Variants in USH2A observed in about 807,000 individuals in gnomAD.
USH2A encodes usherin.
A neutral mutation model predicts 538.9 loss-of-function variants in USH2A; 443 were observed. The observed-to-expected ratio is 0.82, with a 90% CI of 0.76 to 0.89. The LOEUF is 0.89. Among genes scored for constraint, USH2A ranks in the 40% least tolerant of loss-of-function variants. The probability of loss-of-function intolerance (pLI) is 0.00; values close to 1 mark genes in which losing one functional copy is unlikely to be tolerated. For synonymous variants in USH2A, 2,413 were observed against 2,273.5 expected (o/e 1.06, Z -1.75); for missense variants, 6,633 against 6,324.8 (o/e 1.05, Z -1.65).
At chr1:216,207,140 A>C in intron 16 of USH2A, 133 bp downstream of exon 16, 1 of 1,074,356 alleles carries the variant, frequency 9.3e-7, no homozygotes, top group Non-Finnish European at 1.4e-6. Flanking sequence ...GAAATTTGTA[A>C]TTTTATCTCT....
chr1:215,889,840 T>C (rs958532607), intron 40 of USH2A, among the ~76,000 whole-genome samples: 2 of 152,218 alleles, frequency 1.3e-5, no homozygotes, highest in Non-Finnish European at 2.9e-5. Flanking sequence ...AATTCCTTAA[T>C]TGTAAATAAT....
At chr1:215,708,683 C>A (rs2797220) in intron 61 of USH2A, among the ~76,000 whole-genome samples, 17,698 of 152,120 alleles carry the variant, frequency 0.12, 1,137 homozygotes, top group Middle Eastern at 0.15. Context: ...GCAATTGCCA[C>A]AGCTGATCTG....
chr1:216,156,039 A>T (rs1263020178), intron 21 of USH2A, among the ~76,000 whole-genome samples: 1 of 152,154 alleles, frequency 6.6e-6, no homozygotes, highest in Admixed American at 6.6e-5. Context: ...TCTTATAAAG[A>T]TGAATAAAAT....
In USH2A at chr1:216,210,765, G is replaced by A. The variant is rs1003370319; in HGVS notation, c.3158-3334C>T. ...TAAAGGGTCGAGGCGGGCGGATCAC[G>A]AGGTCAGGAGATCAAGACCATCCTG... On this transcript the variant is annotated intron_variant, in intron 15 of 71. Transcript: ENST00000307340. 1.3e-5 allele frequency among the ~76,000 whole-genome samples: 2 copies of A among 152,112 alleles called. 1 individual carries two copies. Among genetic ancestry groups the A allele is most frequent in the Middle Eastern group, 6.8e-3 (2 of 294 alleles).
intron 11 of USH2A, among the ~76,000 whole-genome samples, chr1:216,271,565 G>A (rs2036577099): frequency 6.6e-6 from 1 of 152,018 alleles, no homozygotes; most frequent in Non-Finnish European, 1.5e-5. Flanking sequence ...TTTAGTAGAA[G>A]TTATAAGAGC....
At position 215,685,680 on chromosome 1, in the gene USH2A, A is replaced by AATT. The variant is rs1437008393; in HGVS notation, c.12067-5307_12067-5305dup. ...GCCATCAAATCAGTCTTGATACAGAAATTATTATTATTATTTTTTTACCAC... is the reference window on the plus strand; with the variant it reads ...GCCATCAAATCAGTCTTGATACAGAAATTATTATTATTATTATTTTTTTACCAC... On this transcript the variant is annotated intron_variant, in intron 61 of 71. Transcript: ENST00000307340. Among the ~76,000 whole-genome samples the AATT allele has an allele frequency of 4.8e-5, 5 of 103,982 alleles. No individual in the cohort carries two copies. The Admixed American group carries it at 5.5e-4, about 11-fold the overall frequency. The allele number at this position is 103,982 out of a possible 152,430, so 68.2% of individuals were successfully genotyped here.
chr1:216,235,698 T>G (rs918070658), intron 13 of USH2A, among the ~76,000 whole-genome samples: 10 of 152,176 alleles, frequency 6.6e-5, no homozygotes, highest in African/African-American at 2.4e-4. Flanking sequence ...ATGTCTCTCC[T>G]GAGGACCATG....
Position 216,364,949 on chromosome 1 carries a change from T to C in USH2A, c.784+4A>G. 6.2e-7 allele frequency: 1 copy of C among 1,613,412 alleles called. No homozygotes were observed. Among genetic ancestry groups the C allele is most frequent in the Non-Finnish European group, 8.5e-7 (1 of 1,179,552 alleles). On this transcript the variant is annotated splice_donor_region_variant and intron_variant, in intron 4 of 71. Transcript: ENST00000307340. ...TAAATAACATTCTGAAGTCAGAAAC[T>C]TACCATTTAAACTCTGTCCTATTTG...
At chr1:215,652,819 C>T (rs754808297) in intron 64 of USH2A, among the ~76,000 whole-genome samples, 2 of 152,158 alleles carry the variant, frequency 1.3e-5, no homozygotes, top group East Asian at 1.9e-4. Flanking sequence ...ATTGATATGA[C>T]GTTTTTTGCC....
At chr1:215,798,878 C>T in intron 50 of USH2A, 29 bp downstream of exon 50, 3 of 1,613,348 alleles carry the variant, frequency 1.9e-6, no homozygotes, top group Non-Finnish European at 2.5e-6. Context: ...GATCCTCCAT[C>T]TACTGAAAGG....
rs186282601 is a variant in USH2A, at chr1:215,861,229, C to G, written c.8845+5778G>C. On this transcript the variant is annotated intron_variant, in intron 44 of 71. Transcript: ENST00000307340. Reference sequence around the variant, plus strand: ...TCTCTCATAGTGTTCCAGCTTCTATCAGGGGCCTGCCAGAGAAAACTGTAT... The same window carrying G: ...TCTCTCATAGTGTTCCAGCTTCTATGAGGGGCCTGCCAGAGAAAACTGTAT... Among the ~76,000 whole-genome samples, 70 of 152,266 alleles carry G rather than the reference C, an allele frequency of 4.6e-4. 1 individual carries two copies. The highest frequency in any genetic ancestry group is 1.5e-3 in the African/African-American group (63 of 41,554).
At chr1:216,295,693 C>A (rs1240322103) in intron 9 of USH2A, among the ~76,000 whole-genome samples, 1 of 151,882 alleles carries the variant, frequency 6.6e-6, no homozygotes, top group African/African-American at 2.4e-5. Context: ...TCCCTAAGTG[C>A]CCAGCATATG....
chr1:215,636,062 C>T (rs977166081), intron 69 of USH2A, among the ~76,000 whole-genome samples: 2 of 152,136 alleles, frequency 1.3e-5, no homozygotes, highest in Admixed American at 6.5e-5. Context: ...AGCGGCCACA[C>T]AGGCTGGTGT....
chr1:216,380,290 A>T (rs924466637), intron 3 of USH2A, among the ~76,000 whole-genome samples: 8 of 152,222 alleles, frequency 5.3e-5, no homozygotes, highest in Admixed American at 4.6e-4. Flanking sequence ...CTTTTTCCAA[A>T]TAGCTTAAAA....
chr1:215,720,418 A>C (rs1031724510), intron 61 of USH2A, among the ~76,000 whole-genome samples: 1 of 152,198 alleles, frequency 6.6e-6, no homozygotes, highest in African/African-American at 2.4e-5. Flanking sequence ...CAATGACTAG[A>C]GTCAAAAGGG....
In USH2A at chr1:216,137,789, C is replaced by T. The variant is rs570184163; in HGVS notation, c.4627+37463G>A. On this transcript the variant is annotated intron_variant, in intron 21 of 71. Transcript: ENST00000307340. ...TCTCCTTTGGCAACACCCTCACAGA[C>T]ACACCCAGGATCAGTACTTTGTATC... Among the ~76,000 whole-genome samples the T allele has an allele frequency of 1.0e-3, 152 of 152,254 alleles. 1 individual carries two copies. The highest frequency in any genetic ancestry group is 3.7e-3 in the African/African-American group (152 of 41,540).
rs953920543 is a variant in USH2A, at chr1:216,402,496, C to T, written c.651+16018G>A. 2.0e-5 allele frequency among the ~76,000 whole-genome samples: 3 copies of T among 152,196 alleles called. No individual in the cohort carries two copies. In the East Asian group the frequency reaches 5.8e-4, roughly 29 times the overall value. ...ACCTGAGACAACAAGGCCAACCCTT[C>T]TTTCTCCTCCTCCTCAGCCTACTCA... On this transcript the variant is annotated intron_variant, in intron 3 of 71. Transcript: ENST00000307340.
intron 58 of USH2A, among the ~76,000 whole-genome samples, chr1:215,754,534 A>G (rs1458171821): frequency 6.6e-6 from 1 of 152,196 alleles, no homozygotes; most frequent in Non-Finnish European, 1.5e-5. Flanking sequence ...ATATTTAAAA[A>G]AACAAATACA....
chr1:215,975,176 T>C (rs113317844), intron 35 of USH2A, among the ~76,000 whole-genome samples: 13,482 of 152,212 alleles, frequency 0.089, 628 homozygotes, highest in Admixed American at 0.12. Flanking sequence ...TTAATGAGGT[T>C]ATTTGTTTTT....
Sources: gnomAD v4.1 joint callset for allele counts (sites outside exome capture counted in the v4.1 genomes callset) on GRCh38, gnomAD v4.1.1 for gene constraint, MANE v1.5 for transcripts, NCBI Gene and HGNC (gene_info 2026-07-23, HGNC 2026-07-21) for gene names.